Variants in FIGNL2 observed in about 807,000 individuals in gnomAD.
FIGNL2 encodes the protein fidgetin like 2.
For synonymous variants in FIGNL2, 565 were observed against 484.0 expected, an observed-to-expected ratio of 1.17 and a Z score of -2.20; for missense variants, 1,060 against 950.2, an observed-to-expected ratio of 1.12 and a Z score of -1.52.
chr12:51,821,644 G>A lies in FIGNL2; in HGVS notation c.770C>T (p.Pro257Leu), dbSNP rs921763628. 4.1e-6 allele frequency: 6 copies of A among 1,475,872 alleles called. No homozygotes were observed. Among genetic ancestry groups the A allele is most frequent in the African/African-American group, 2.9e-5 (2 of 68,084 alleles). The allele number at this position is 1,475,872 out of a possible 1,614,324, so 91.4% of individuals were successfully genotyped here. A position where few individuals can be genotyped will look rare whatever the true frequency, so the allele number is the denominator to read the frequency against. ...CAGCGACAGCCCGGATTCGGCACCC[G>A]GCGCGGCCGTGGGGAAGCCATAGGC... ...PTAYGFPTAAPGAESGLSLKR... is the reference protein window; with the variant it reads ...PTAYGFPTAALGAESGLSLKR... The change falls in exon 2 of 2, where the codon CCG (proline) becomes CTG (leucine). Residue 257 changes from proline to leucine, a missense_variant. Coordinates refer to ENST00000618634, the MANE Select transcript of FIGNL2 (RefSeq NM_001384995.1).
Position 51,822,033 on chromosome 12 carries a change from C to A in FIGNL2, c.381G>T (p.Gly127=). The change falls in exon 2 of 2, where the codon GGG becomes GGT. Residue 127 remains glycine (G), a synonymous_variant. Transcript: ENST00000618634. The part of the protein sequence containing the change: ...GTKSGGGGGS[G]ALGGSPVLAG... ...CTAAAACTGGGGAGCCCCCCAGGGC[C>A]CCGGAACCGCCGCCACCGCCCGATT... 6.2e-7 allele frequency: 1 copy of A among 1,605,736 alleles called. No individual in the cohort carries two copies. The highest frequency in any genetic ancestry group is 1.1e-5 in the South Asian group (1 of 89,720).
chr12:51,844,637 A>G, intron 1 of FIGNL2: 1 of 932,646 alleles, frequency 1.1e-6, no homozygotes, highest in Non-Finnish European at 1.3e-6. Flanking sequence ...AGAGTGTTTA[A>G]CAAGTGTGTG....
At position 51,820,415 on chromosome 12, in the gene FIGNL2, G is replaced by T; in HGVS notation, c.*37C>A. ...CTCCCACGCGGAGGCGGCGGGGACG[G>T]AGGGACTGCGGCTCCCGCGGCCTCC... On this transcript the variant is annotated 3_prime_UTR_variant, in exon 2 of 2. Coordinates refer to ENST00000618634, the MANE Select transcript of FIGNL2 (RefSeq NM_001384995.1). 1.3e-6 allele frequency: 2 copies of T among 1,563,106 alleles called. No individual in the cohort carries two copies. The highest frequency in any genetic ancestry group is 2.3e-5 in the East Asian group (1 of 42,874).
rs1458002207 is a variant in FIGNL2, at chr12:51,821,529, G to A, written c.885C>T (p.Ser295=). 6 of 1,564,364 alleles carry A rather than the reference G, an allele frequency of 3.8e-6. No individual in the cohort carries two copies. The highest frequency in any genetic ancestry group is 1.8e-5 in the Admixed American group (1 of 57,120). Residue 295 remains serine (S), a synonymous_variant, in exon 2 of 2, where the codon TCC becomes TCT. Transcript: ENST00000618634. The part of the protein sequence containing the change: ...PAKAPVADGA[S]YPAADNGECR... ...ATTCGCCGTTGTCCGCGGCGGGGTA[G>A]GAGGCTCCGTCAGCCACGGGGGCCT...
intron 1 of FIGNL2, among the ~76,000 whole-genome samples, chr12:51,829,106 T>C (rs1418155419): frequency 6.6e-6 from 1 of 152,138 alleles, no homozygotes; most frequent in Non-Finnish European, 1.5e-5. Context: ...TCCAGGCCGG[T>C]GTGGAGAAGG....
intron 1 of FIGNL2, among the ~76,000 whole-genome samples, chr12:51,838,578 GGA>G (rs1939613496): frequency 6.6e-6 from 1 of 152,116 alleles, no homozygotes; most frequent in Non-Finnish European, 1.5e-5. Context: ...CTGAGATGTG[GGA>G]CAATGTCTTG....
At chr12:51,823,648 A>G (rs1939272674) in intron 1 of FIGNL2, 1 of 152,218 alleles carries the variant, frequency 6.6e-6, no homozygotes, top group African/African-American at 2.4e-5. Flanking sequence ...AAATATCTCA[A>G]AGACTAAGAG....
At chr12:51,845,427 C>T in intron 1 of FIGNL2, 1 of 975,598 alleles carries the variant, frequency 1.0e-6, no homozygotes, top group Non-Finnish European at 1.2e-6. Flanking sequence ...TAGCAGATGC[C>T]AGCACCCCAT....
rs1398905570 is a variant in FIGNL2, at chr12:51,819,630, CAAAAGA to C, written c.*816_*821del. The C allele has an allele frequency of 1.3e-5, 2 of 152,184 alleles. No homozygotes were observed. Among genetic ancestry groups the C allele is most frequent in the African/African-American group, 4.8e-5 (2 of 41,274 alleles). 9.4% of individuals were successfully genotyped at this position (152,184 alleles called of 1,614,324 possible). A position where few individuals can be genotyped will look rare whatever the true frequency, so the allele number is the denominator to read the frequency against. On this transcript the variant is annotated 3_prime_UTR_variant, in exon 2 of 2. Coordinates refer to ENST00000618634, the MANE Select transcript of FIGNL2 (RefSeq NM_001384995.1). ...TGAGGTCAGTTTCTTCCTGAGTTGT[CAAAAGA>C]AAAAGAAAAACAGCAAATTCTACAC... is the stretch of plus-strand genomic sequence containing the variant.
chr12:51,830,703 G>T (rs1006662352), intron 1 of FIGNL2, among the ~76,000 whole-genome samples: 2 of 151,892 alleles, frequency 1.3e-5, no homozygotes, highest in Non-Finnish European at 2.9e-5. Context: ...ATGTTGGCCA[G>T]GCTGGTCTCA....
intron 1 of FIGNL2, among the ~76,000 whole-genome samples, chr12:51,832,467 C>T (rs990480209): frequency 2.6e-5 from 4 of 152,038 alleles, no homozygotes; most frequent in Non-Finnish European, 4.4e-5. Flanking sequence ...ACTCCACTAC[C>T]TTTGCCTCAT....
At chr12:51,832,312 C>G (rs570569117) in intron 1 of FIGNL2, among the ~76,000 whole-genome samples, 1 of 152,050 alleles carries the variant, frequency 6.6e-6, no homozygotes, top group Non-Finnish European at 1.5e-5. Context: ...CCACTGTGCC[C>G]GGCCCCAAAA....
At position 51,821,824 on chromosome 12, in the gene FIGNL2, C is replaced by G; in HGVS notation, c.590G>C (p.Gly197Ala). ...ATAGTTGTACAGCGGCGCTGAGGGCCCGTACCCCGGAGGCGGTGGGGGCTG... is the reference window on the plus strand; with the variant it reads ...ATAGTTGTACAGCGGCGCTGAGGGCGCGTACCCCGGAGGCGGTGGGGGCTG... ...LLQPPPPPGY[G>A]PSAPLYNYPA... Residue 197 changes from glycine (G) to alanine (A), a missense_variant, in exon 2 of 2, where the codon GGG (glycine) becomes GCG (alanine). Transcript: ENST00000618634. The G allele has an allele frequency of 7.8e-7, 1 of 1,277,230 alleles. No homozygotes were observed. Among genetic ancestry groups the G allele is most frequent in the Non-Finnish European group, 9.8e-7 (1 of 1,016,102 alleles). The allele number at this position is 1,277,230 out of a possible 1,614,324, so 79.1% of individuals were successfully genotyped here.
At chr12:51,848,177 G>A (rs1939792810) in intron 1 of FIGNL2, 2 of 984,916 alleles carry the variant, frequency 2.0e-6, no homozygotes, top group Non-Finnish European at 2.4e-6. Flanking sequence ...GATCCTTCTG[G>A]GACCCGAACC....
In FIGNL2 at chr12:51,820,677, A is replaced by G. The variant is rs1939154306; in HGVS notation, c.1737T>C (p.Ser579=). Residue 579 remains serine, a synonymous_variant, in exon 2 of 2, where the codon AGT becomes AGC. Transcript: ENST00000618634. ...RALAQQGCAL[S]ERELAALVQG... is the part of the protein sequence containing the mutation. ...GCACCAGCGCCGCCAGTTCCCGCTC[A>G]CTGAGCGCGCAGCCCTGCTGGGCCA... is the stretch of plus-strand genomic sequence containing the variant. The G allele has an allele frequency of 6.6e-7, 1 of 1,512,536 alleles. No homozygotes were observed. Among genetic ancestry groups the G allele is most frequent in the Non-Finnish European group, 8.8e-7 (1 of 1,138,118 alleles). The allele number at this position is 1,512,536 out of a possible 1,614,324, so 93.7% of individuals were successfully genotyped here.
chr12:51,831,031 G>C (rs936681200), intron 1 of FIGNL2, among the ~76,000 whole-genome samples: 1 of 151,854 alleles, frequency 6.6e-6, no homozygotes, highest in Non-Finnish European at 1.5e-5. Context: ...CTCAAACTCC[G>C]GGGCTCAGGC....
At position 51,820,560 on chromosome 12, in the gene FIGNL2, G is replaced by C; in HGVS notation, c.1854C>G (p.Leu618=). ...GCGCCGCCTCCAGGTCCTTGTAGGA[G>C]AGGGGGCGCTGCAGCCCCGGGAGGC... ...GAGLPGLQRP[L]SYKDLEAALA... Residue 618 remains leucine (L), a synonymous_variant, in exon 2 of 2, where the codon CTC becomes CTG. Transcript: ENST00000618634. 2.6e-6 allele frequency: 4 copies of C among 1,535,722 alleles called. No individual in the cohort carries two copies. The highest frequency in any genetic ancestry group is 3.5e-6 in the Non-Finnish European group (4 of 1,147,904).
chr12:51,823,426 T>A (rs1939268220), intron 1 of FIGNL2: 1 of 152,204 alleles, frequency 6.6e-6, no homozygotes, highest in Admixed American at 6.5e-5. Flanking sequence ...ATCATAGAAC[T>A]TTTTTTCGTG....
At position 51,820,807 on chromosome 12, in the gene FIGNL2, G is replaced by T; in HGVS notation, c.1607C>A (p.Ser536Ter). 2 of 1,473,892 alleles carry T rather than the reference G, an allele frequency of 1.4e-6. No homozygotes were observed. The highest frequency in any genetic ancestry group is 1.8e-6 in the Non-Finnish European group (2 of 1,120,604). The allele number at this position is 1,473,892 out of a possible 1,614,324, so 91.3% of individuals were successfully genotyped here. The change falls in exon 2 of 2, where the codon TCG becomes TAG. Residue 536 changes from serine (S) to a stop codon, truncating the protein, a stop_gained. Coordinates refer to ENST00000618634, the MANE Select transcript of FIGNL2 (RefSeq NM_001384995.1). LOFTEE classifies it low-confidence loss of function (END_TRUNC). ...CGCCTCGTCCAGAGCCGCGGGCCGCGAGGTGGTGCCCACAACCAGCACGCC... is the reference window on the plus strand; with the variant it reads ...CGCCTCGTCCAGAGCCGCGGGCCGCTAGGTGGTGCCCACAACCAGCACGCC... ...ADGVLVVGTT[S>*]RPAALDEATR...
Sources: gnomAD v4.1 joint callset for allele counts (sites outside exome capture counted in the v4.1 genomes callset) on GRCh38, gnomAD v4.1.1 for gene constraint, MANE v1.5 for transcripts, NCBI Gene and HGNC (gene_info 2026-07-23, HGNC 2026-07-21) for gene names.